The following ALS2 variants were observed in gnomAD, a reference collection of about 807,000 sequenced individuals.
ALS2 encodes the protein alsin Rho guanine nucleotide exchange factor ALS2, also known as alsin.
A neutral mutation model predicts 203.4 loss-of-function variants in ALS2; 117 were observed. That is an observed-to-expected ratio of 0.58 (90% confidence interval 0.50 to 0.67). ALS2 has a LOEUF of 0.67. Among genes scored for constraint, ALS2 ranks in the 30% least tolerant of loss-of-function variants. The probability of loss-of-function intolerance (pLI) is 0.00; values close to 1 mark genes in which losing one functional copy is unlikely to be tolerated. For missense variants in ALS2, 1,715 were observed against 1,989.4 expected, an observed-to-expected ratio of 0.86 and a Z score of 2.62; for synonymous variants, 718 against 725.9, an observed-to-expected ratio of 0.99 and a Z score of 0.17.
At chr2:201,760,403 G>A in intron 4 of ALS2, 1 of 987,626 alleles carries the variant, frequency 1.0e-6, no homozygotes, top group Non-Finnish European at 1.2e-6. Flanking sequence ...ACTGAAACAT[G>A]TAATTGCCTG....
chr2:201,724,514 T>C, intron 20 of ALS2, 55 bp from the exon 21 acceptor site: 1 of 1,583,076 alleles, frequency 6.3e-7, no homozygotes, highest in Non-Finnish European at 8.7e-7. Context: ...CTGATGCTCA[T>C]TTTTACAAAG....
chr2:201,737,829 G>A (rs566970158), intron 12 of ALS2, among the ~76,000 whole-genome samples: 1 of 152,124 alleles, frequency 6.6e-6, no homozygotes, highest in African/African-American at 2.4e-5. Context: ...GGCTGAGGCA[G>A]GAGAATTGCT....
At chr2:201,738,600 G>C (rs1574734400) in intron 12 of ALS2, 70 bp downstream of exon 12, 3 of 1,463,310 alleles carry the variant, frequency 2.1e-6, no homozygotes, top group Admixed American at 3.4e-5. Context: ...CTGAGCACTC[G>C]AAAACAGAGC....
rs1343812559 is a variant in ALS2 at position 201,727,761 on chromosome 2, A to G, written c.2856T>C (p.His952=). Residue 952 remains histidine, a synonymous_variant, in exon 16 of 34, where the codon CAT becomes CAC. Transcript: ENST00000264276. The part of the protein sequence containing the change: ...ALVHAQFSTH[H]VFPLATLWAE... The stretch of plus-strand genomic sequence containing the variant: ...CCCACAGCGTGGCCAGAGGGAAAAC[A>G]TGGTGCGTGGAGAACTGAAACAGAG... The G allele has an allele frequency of 9.7e-6, 15 of 1,551,702 alleles. 1 individual carries two copies. Among genetic ancestry groups the G allele is most frequent in the Admixed American group, 2.0e-5 (1 of 51,016 alleles).
chr2:201,718,416 C>T (rs568807872), intron 23 of ALS2, among the ~76,000 whole-genome samples: 49 of 152,228 alleles, frequency 3.2e-4, no homozygotes, highest in Admixed American at 4.6e-4. Flanking sequence ...CCCGCCACCA[C>T]GCCCAGCTAA....
At chr2:201,718,896 T>C (rs754745780) in intron 23 of ALS2, among the ~76,000 whole-genome samples, 11 of 151,236 alleles carry the variant, frequency 7.3e-5, no homozygotes, top group Non-Finnish European at 1.3e-4. Flanking sequence ...CCTAATAAAA[T>C]TACAAAAGGA....
At chr2:201,706,377 C>T (rs896897981) in intron 29 of ALS2, among the ~76,000 whole-genome samples, 5 of 123,274 alleles carry the variant, frequency 4.1e-5, no homozygotes, top group South Asian at 2.6e-4. Context: ...CAGAGTGAAA[C>T]TCTCTTTCAA....
Position 201,757,619 on chromosome 2 carries a change from C to T in ALS2, c.1254G>A (p.Leu418=), listed in dbSNP as rs1276696721. 5.6e-6 allele frequency: 9 copies of T among 1,614,172 alleles called. No individual in the cohort carries two copies. Among genetic ancestry groups the T allele is most frequent in the Non-Finnish European group, 7.6e-6 (9 of 1,180,022 alleles). The change falls in exon 5 of 34, where the codon CTG becomes CTA. Residue 418 remains leucine (L), a synonymous_variant. Transcript: ENST00000264276. ...TACTATAAAAGTTCATAACTTTCTT[C>T]AGTGACAAGGCACCAGCTTCATAAG... The part of the protein sequence containing the change: ...AATYEAGALS[L]KKVMNFYSTT...
chr2:201,741,813 C>T lies in ALS2; in HGVS notation c.2212G>A (p.Val738Met). ...TTTTVQLLQE[V>M]ASRFSKLCYL... Reference sequence around the variant, plus strand: ...CACAGCTTGCTGAATCGGCTAGCCACCTCCTGCAACAGCTGGACTGTAGTT... The same window carrying T: ...CACAGCTTGCTGAATCGGCTAGCCATCTCCTGCAACAGCTGGACTGTAGTT... Residue 738 changes from valine to methionine, a missense_variant, in exon 11 of 34, where the codon GTG becomes ATG. By Grantham distance (21) the Val-to-Met change is conservative. Around this residue, in one of 3 missense-constraint regions of ALS2, gnomAD observed 1,227 missense variants for 1,413.5 expected, o/e 0.87. Coordinates refer to ENST00000264276, the MANE Select transcript of ALS2 (RefSeq NM_020919.4). The T allele has an allele frequency of 6.2e-7, 1 of 1,614,108 alleles. No homozygotes were observed. Among genetic ancestry groups the T allele is most frequent in the South Asian group, 1.1e-5 (1 of 91,060 alleles).
Position 201,715,731 on chromosome 2 carries a change from C to A in ALS2, c.3945G>T (p.Trp1315Cys). Residue 1315 changes from tryptophan to cysteine, a missense_variant, in exon 25 of 34, where the codon TGG becomes TGT. By Grantham distance (215) the Trp-to-Cys change is radical. Transcript: ENST00000264276. ...GCEGPGQGEV[W>C]KAWDNIAVAL... ...CCACAGCAATATTGTCCCATGCTTT[C>A]CAAACTTCCCCTTGGCCTGGGCCCT... The A allele has an allele frequency of 6.2e-7, 1 of 1,614,216 alleles. No homozygotes were observed. Among genetic ancestry groups the A allele is most frequent in the Non-Finnish European group, 8.5e-7 (1 of 1,180,038 alleles).
rs115585092 is a variant in ALS2 at position 201,776,272 on chromosome 2, T to C, written c.-61+4605A>G. 2.3e-3 allele frequency among the ~76,000 whole-genome samples: 346 copies of C among 152,240 alleles called. 3 individuals are homozygous for C. Among genetic ancestry groups the C allele is most frequent in the African/African-American group, 7.5e-3 (313 of 41,542 alleles). On this transcript the variant is annotated intron_variant, in intron 1 of 33. Coordinates refer to ENST00000264276, the MANE Select transcript of ALS2 (RefSeq NM_020919.4). Reference sequence around the variant, plus strand: ...GGTGCAATGAGAAACAGGAAGACTTTACAGTCTTTTTTTAATGCCTTGCTA... The same window carrying C: ...GGTGCAATGAGAAACAGGAAGACTTCACAGTCTTTTTTTAATGCCTTGCTA...
chr2:201,731,242 G>GA (rs112539387), intron 13 of ALS2, among the ~76,000 whole-genome samples: 12,996 of 149,756 alleles, frequency 0.087, 621 homozygotes, highest in Middle Eastern at 0.12. Flanking sequence ...GAGTGCTAGG[G>GA]AAAAAAAAAT....
At chr2:201,705,349 T>C (rs1689639685) in intron 30 of ALS2, 67 bp downstream of exon 30, 2 of 1,555,434 alleles carry the variant, frequency 1.3e-6, no homozygotes, top group South Asian at 2.2e-5. Context: ...ATGAAAAAGT[T>C]TTGCTATCTC....
intron 3 of ALS2, among the ~76,000 whole-genome samples, chr2:201,766,874 T>C (rs142689782): frequency 0.011 from 1,646 of 146,236 alleles, 28 homozygotes; most frequent in African/African-American, 0.037. Flanking sequence ...TTCTCACTCA[T>C]AGGTGGGAAT....
At position 201,741,802 on chromosome 2, in the gene ALS2, T is replaced by C. The variant is rs2106044381; in HGVS notation, c.2223A>G (p.Arg741=). Residue 741 remains arginine (R), a synonymous_variant, in exon 11 of 34, where the codon CGA becomes CGG. Coordinates refer to ENST00000264276, the MANE Select transcript of ALS2 (RefSeq NM_020919.4). Reference sequence around the variant, plus strand: ...CAATGAGGTAACACAGCTTGCTGAATCGGCTAGCCACCTCCTGCAACAGCT... The same window carrying C: ...CAATGAGGTAACACAGCTTGCTGAACCGGCTAGCCACCTCCTGCAACAGCT... ...TVQLLQEVAS[R]FSKLCYLIGQ... is the part of the protein sequence containing the mutation. The C allele has an allele frequency of 6.2e-7, 1 of 1,614,136 alleles. No individual in the cohort carries two copies. The highest frequency in any genetic ancestry group is 2.2e-5 in the East Asian group (1 of 44,882).
chr2:201,715,096 C>T (rs1690282307), intron 25 of ALS2, among the ~76,000 whole-genome samples: 2 of 152,196 alleles, frequency 1.3e-5, no homozygotes, highest in South Asian at 4.1e-4. Flanking sequence ...AGATTCCACT[C>T]TCTCAAGAGT....
At chr2:201,732,194 C>T (rs1477983843) in intron 13 of ALS2, among the ~76,000 whole-genome samples, 6 of 152,052 alleles carry the variant, frequency 3.9e-5, no homozygotes, top group Non-Finnish European at 7.4e-5. Flanking sequence ...TCAATCAGTT[C>T]CTGGGTCACT....
At chr2:201,722,860 C>T (rs78117864) in intron 23 of ALS2, 183 bp downstream of exon 23, 12,641 of 592,080 alleles carry the variant, frequency 0.021, 187 homozygotes, top group Non-Finnish European at 0.03. Flanking sequence ...TTTTCTTGGG[C>T]GATGGAAATG....
chr2:201,725,326 A>C, intron 20 of ALS2, 30 bp downstream of exon 20: 1 of 1,570,592 alleles, frequency 6.4e-7, no homozygotes, highest in Non-Finnish European at 8.8e-7. Flanking sequence ...TGAAAAACAA[A>C]CACCAGTCCA....
Sources: allele counts gnomAD v4.1 joint callset (sites outside exome capture counted in the v4.1 genomes callset), GRCh38; gene constraint gnomAD v4.1.1; regional missense constraint gnomAD v4.1.1; transcripts MANE v1.5; gene names NCBI Gene and HGNC (gene_info 2026-07-23, HGNC 2026-07-21).